Variants in GON4L observed in about 807,000 individuals in gnomAD.
GON4L encodes the protein gon-4 like.
In GON4L, 87 loss-of-function variants were observed where a neutral mutation model predicts 211.8. That is an observed-to-expected ratio of 0.41 (90% CI 0.35 to 0.49). The LOEUF is 0.49. GON4L is among the 20% of genes least tolerant of loss of function. The probability of loss-of-function intolerance (pLI) is 0.15; values close to 1 mark genes in which losing one functional copy is unlikely to be tolerated. For synonymous variants in GON4L, 875 were observed against 962.6 expected (o/e 0.91, Z 1.68); for missense variants, 2,155 against 2,659.5 (o/e 0.81, Z 4.17).
intron 12 of GON4L, among the ~76,000 whole-genome samples, chr1:155,790,581 AT>A (rs1409474603): frequency 6.6e-6 from 1 of 151,586 alleles, no homozygotes; most frequent in Non-Finnish European, 1.5e-5. Flanking sequence ...TTCTCAGAAT[AT>A]TTTCAAGGTT....
intron 10 of GON4L, among the ~76,000 whole-genome samples, chr1:155,811,880 AT>A (rs1178103338): frequency 2.7e-5 from 4 of 150,764 alleles, no homozygotes; most frequent in African/African-American, 9.8e-5. Flanking sequence ...GTGAAACTCC[AT>A]TTCTACTAAA....
chr1:155,748,034 A>G, downstream of GON4L: 1 of 1,607,996 alleles, frequency 6.2e-7, no homozygotes, highest in East Asian at 2.2e-5. Flanking sequence ...CGTGCACCTG[A>G]CTGCTCACAG....
chr1:155,796,633 T>C (rs547644910), intron 11 of GON4L, among the ~76,000 whole-genome samples: 1 of 152,150 alleles, frequency 6.6e-6, no homozygotes, highest in Non-Finnish European at 1.5e-5. Flanking sequence ...GTAAAAATTA[T>C]GAAGGAGTCA....
At chr1:155,791,211 G>A (rs768550204) in intron 12 of GON4L, among the ~76,000 whole-genome samples, 6 of 151,896 alleles carry the variant, frequency 4.0e-5, no homozygotes, top group Non-Finnish European at 5.9e-5. Context: ...GCAGTGAGCC[G>A]AGATCACACC....
In GON4L at chr1:155,752,335, C is replaced by T; in HGVS notation, c.6098G>A (p.Trp2033Ter). The change falls in exon 30 of 32, where the codon TGG becomes TAG. Residue 2033 changes from tryptophan to a stop codon, truncating the protein, a stop_gained. Transcript: ENST00000368331. LOFTEE classifies it high-confidence loss of function. ...VSESEALMLV[W>*]DASETEKLPG... Reference sequence around the variant, plus strand: ...CAATTTCTCAGTTTCTGATGCATCCCAGACCAGCATCAAAGCCTCTGACTC... The same window carrying T: ...CAATTTCTCAGTTTCTGATGCATCCTAGACCAGCATCAAAGCCTCTGACTC... The T allele has an allele frequency of 6.3e-7, 1 of 1,599,824 alleles. No individual in the cohort carries two copies. Among genetic ancestry groups the T allele is most frequent in the Non-Finnish European group, 8.6e-7 (1 of 1,168,586 alleles).
chr1:155,835,824 C>T (rs145520631), intron 2 of GON4L, among the ~76,000 whole-genome samples: 2 of 152,188 alleles, frequency 1.3e-5, no homozygotes, highest in South Asian at 2.1e-4. Context: ...CCTTCCAGTG[C>T]GAAGCCAAGA....
intron 10 of GON4L, among the ~76,000 whole-genome samples, chr1:155,813,348 C>T (rs980791508): frequency 1.3e-5 from 2 of 151,998 alleles, no homozygotes; most frequent in Admixed American, 6.6e-5. Flanking sequence ...GGGAAGATCA[C>T]TTGAGTCTGG....
At chr1:155,826,138 G>A (rs1338768018) in intron 3 of GON4L, among the ~76,000 whole-genome samples, 1 of 151,992 alleles carries the variant, frequency 6.6e-6, no homozygotes, top group African/African-American at 2.4e-5. Context: ...TTTAACCCAG[G>A]AGGTCAAGGC....
chr1:155,849,986 TAA>T (rs367553803), intron 2 of GON4L, among the ~76,000 whole-genome samples: 22 of 124,238 alleles, frequency 1.8e-4, no homozygotes, highest in Non-Finnish European at 2.4e-4. Context: ...ATTCTGCTCT[TAA>T]AAAAAAAAAA....
At chr1:155,762,132 T>C in intron 23 of GON4L, 58 bp downstream of exon 23, 2 of 1,351,346 alleles carry the variant, frequency 1.5e-6, no homozygotes, top group Non-Finnish European at 2.1e-6. Flanking sequence ...AACATCTCCC[T>C]TGAAGAAGCA....
chr1:155,815,340 T>A (rs1001655949), intron 8 of GON4L, among the ~76,000 whole-genome samples: 2 of 152,058 alleles, frequency 1.3e-5, no homozygotes, highest in Non-Finnish European at 2.9e-5. Flanking sequence ...ACAAAACATA[T>A]AAACATGGGT....
intron 28 of GON4L, chr1:155,754,165 C>A: frequency 1.7e-6 from 1 of 603,670 alleles, no homozygotes; most frequent in Admixed American, 2.7e-5. Flanking sequence ...TTTCCAATTC[C>A]AAAAGCTTTA....
At chr1:155,852,657 G>C (rs1393823397) in intron 2 of GON4L, among the ~76,000 whole-genome samples, 2 of 151,990 alleles carry the variant, frequency 1.3e-5, no homozygotes, top group Non-Finnish European at 2.9e-5. Context: ...GCAGGAGAAT[G>C]GCGTGAACCT....
Position 155,805,017 on chromosome 1 carries a change from T to C in GON4L, c.1577A>G (p.Asn526Ser), listed in dbSNP as rs752203700. 1.9e-6 allele frequency: 3 copies of C among 1,613,622 alleles called. No individual in the cohort carries two copies. Among genetic ancestry groups the C allele is most frequent in the African/African-American group, 2.7e-5 (2 of 74,908 alleles). The change falls in exon 11 of 32, where the codon AAT becomes AGT. Residue 526 changes from asparagine to serine, a missense_variant. By Grantham distance (46) the Asn-to-Ser change is conservative. Transcript: ENST00000368331. The part of the protein sequence containing the change: ...PDITPDMYDP[N>S]TADDEDWKMW... ...CTTCCAGTCCTCATCATCTGCCGTA[T>C]TGGGGTCATACATATCTGGAGTGAT...
intron 15 of GON4L, 27 bp downstream of exon 15, chr1:155,777,595 T>A: frequency 6.4e-7 from 1 of 1,567,940 alleles, no homozygotes; most frequent in Non-Finnish European, 8.8e-7. Flanking sequence ...AAAAATCCAA[T>A]GTTAACATGA....
At chr1:155,843,460 C>T (rs1300539239) in intron 2 of GON4L, among the ~76,000 whole-genome samples, 1 of 152,130 alleles carries the variant, frequency 6.6e-6, no homozygotes, top group African/African-American at 2.4e-5. Context: ...ACAGATTGAC[C>T]TGACTCCTCT....
intron 15 of GON4L, among the ~76,000 whole-genome samples, chr1:155,777,355 C>T (rs181358422): frequency 9.3e-4 from 142 of 152,136 alleles, no homozygotes; most frequent in African/African-American, 3.3e-3. Flanking sequence ...CCGAGGCGGG[C>T]GGATCACAAG....
Position 155,754,473 on chromosome 1 carries a change from C to T in GON4L, c.5533G>A (p.Asp1845Asn). ...QNHDKETEWP[D>N]GAKDCACSCH... ...GAGCAGGCACAGTCCTTGGCCCCAT[C>T]TGGCCATTCAGTCTCCTAGGAGATA... The change falls in exon 28 of 32, where the codon GAT (aspartate) becomes AAT (asparagine). Residue 1845 changes from aspartate (D) to asparagine (N), a missense_variant. Transcript: ENST00000368331. The T allele has an allele frequency of 6.2e-7, 1 of 1,604,716 alleles. No individual in the cohort carries two copies. Among genetic ancestry groups the T allele is most frequent in the Non-Finnish European group, 8.5e-7 (1 of 1,173,410 alleles).
At chr1:155,850,257 A>G (rs1350667981) in intron 2 of GON4L, among the ~76,000 whole-genome samples, 1 of 152,204 alleles carries the variant, frequency 6.6e-6, no homozygotes, top group African/African-American at 2.4e-5. Flanking sequence ...AATTAGCAAA[A>G]TGGCACAAGC....
Sources: allele counts gnomAD v4.1 joint callset (sites outside exome capture counted in the v4.1 genomes callset), GRCh38; gene constraint gnomAD v4.1.1; transcripts MANE v1.5; gene names NCBI Gene and HGNC (gene_info 2026-07-23, HGNC 2026-07-21).